DNAH5: variants seen among roughly 807,000 people sequenced by gnomAD.
The protein encoded by DNAH5 is dynein axonemal heavy chain 5.
Under a neutral mutation model 518.2 loss-of-function variants are expected in DNAH5, and 372 were observed. The ratio of observed to expected loss-of-function variants is 0.72; its 90% CI spans 0.66 to 0.78. DNAH5 has a LOEUF of 0.78. DNAH5 is among the 30% of genes least tolerant of loss of function. The pLI is 0.00. For missense variants in DNAH5, 5,523 were observed against 5,687.0 expected (o/e 0.97, Z 0.93); for synonymous variants, 2,039 against 2,025.9 (o/e 1.01, Z -0.17).
intron 31 of DNAH5, 102 bp downstream of exon 31, chr5:13,850,550 C>T (rs924262587): frequency 2.9e-5 from 27 of 933,970 alleles, no homozygotes; most frequent in Non-Finnish European, 4.3e-5. Flanking sequence ...TATATAAATT[C>T]AGCCTTAGCA....
chr5:13,996,164 T>C (rs1783927184), intron 1 of DNAH5, among the ~76,000 whole-genome samples: 1 of 152,190 alleles, frequency 6.6e-6, no homozygotes, highest in South Asian at 2.1e-4. Flanking sequence ...TCTGGCTTTC[T>C]GGCTCATGCA....
At chr5:13,709,532 TG>T (rs1309293836) in intron 75 of DNAH5, among the ~76,000 whole-genome samples, 1 of 152,110 alleles carries the variant, frequency 6.6e-6, no homozygotes, top group Non-Finnish European at 1.5e-5. Context: ...AGAAAACACC[TG>T]GGGGACAGAG....
chr5:13,909,300 A>T (rs1472622659), intron 12 of DNAH5, among the ~76,000 whole-genome samples: 1 of 152,196 alleles, frequency 6.6e-6, no homozygotes, highest in Non-Finnish European at 1.5e-5. Context: ...GTAAGAGATG[A>T]GCAGCAATAA....
At chr5:13,947,846 G>C (rs1276089410), upstream of DNAH5, among the ~76,000 whole-genome samples, 1 of 152,212 alleles carries the variant, frequency 6.6e-6, no homozygotes, top group South Asian at 2.1e-4. Flanking sequence ...AGTGGGATGA[G>C]AGAGTTCCAT....
intron 1 of DNAH5, among the ~76,000 whole-genome samples, chr5:13,976,714 C>CAA (rs1782278512): frequency 7.1e-6 from 1 of 141,380 alleles, no homozygotes; most frequent in Non-Finnish European, 1.5e-5. Flanking sequence ...TATATATACA[C>CAA]ACACACACAT....
intron 18 of DNAH5, 93 bp from the exon 19 acceptor site, chr5:13,885,321 G>T: frequency 3.4e-6 from 5 of 1,469,388 alleles, no homozygotes; most frequent in Non-Finnish European, 4.7e-6. Context: ...AGAATCATCT[G>T]TTGCAATTAA....
chr5:13,990,995 G>GA (rs1561054387), intron 1 of DNAH5, among the ~76,000 whole-genome samples: 1 of 152,110 alleles, frequency 6.6e-6, no homozygotes. Flanking sequence ...GGCAGTTTGA[G>GA]TTTTTTTCTA....
chr5:13,795,415 T>C (rs1049421910), intron 47 of DNAH5, among the ~76,000 whole-genome samples: 1 of 152,136 alleles, frequency 6.6e-6, no homozygotes, highest in Non-Finnish European at 1.5e-5. Context: ...GAGAATACTA[T>C]AAACACCTCT....
At chr5:13,960,099 C>A (rs1158090309) in intron 1 of DNAH5, among the ~76,000 whole-genome samples, 1 of 143,354 alleles carries the variant, frequency 7.0e-6, no homozygotes, top group Non-Finnish European at 1.5e-5. Flanking sequence ...ATGAGGGGAA[C>A]GCTTTTATCT....
At chr5:13,833,444 A>G (rs1763961654) in intron 35 of DNAH5, among the ~76,000 whole-genome samples, 1 of 148,486 alleles carries the variant, frequency 6.7e-6, no homozygotes, top group Non-Finnish European at 1.5e-5. Flanking sequence ...CTCCTTCCCA[A>G]AAAAAAAAAA....
chr5:13,842,330 A>C (rs1281553957), intron 32 of DNAH5, among the ~76,000 whole-genome samples: 1 of 151,918 alleles, frequency 6.6e-6, no homozygotes, highest in Non-Finnish European at 1.5e-5. Context: ...CAGTGAGCCG[A>C]GATCATGCCA....
At chr5:13,973,571 A>AGAG in intron 1 of DNAH5, among the ~76,000 whole-genome samples, 1 of 152,152 alleles carries the variant, frequency 6.6e-6, no homozygotes, top group African/African-American at 2.4e-5. Context: ...TGTAAAATGG[A>AGAG]GAGGAGGAGG....
chr5:13,810,261 C>T lies in DNAH5; in HGVS notation c.7408-1G>A. 6.5e-7 allele frequency: 1 copy of T among 1,550,204 alleles called. No homozygotes were observed. The highest frequency in any genetic ancestry group is 1.4e-5 in the African/African-American group (1 of 73,164). On this transcript the variant is annotated splice_acceptor_variant, in intron 44 of 78. Coordinates refer to ENST00000265104, the MANE Select transcript of DNAH5 (RefSeq NM_001369.3). LOFTEE classifies it high-confidence loss of function. ...CCTGGCTCACCTCCCCGCCTTGCTC[C>T]TGAGAAGGAAAGACACTTTTTTTTA...
intron 57 of DNAH5, 81 bp downstream of exon 57, chr5:13,769,420 C>A (rs1580142781): frequency 8.9e-7 from 1 of 1,118,762 alleles, no homozygotes; most frequent in East Asian, 2.4e-5. Context: ...CTAGTTATAG[C>A]CAGTGAATAT....
intron 1 of DNAH5, among the ~76,000 whole-genome samples, chr5:14,002,422 C>CA (rs1350553847): frequency 2.0e-5 from 3 of 151,430 alleles, no homozygotes; most frequent in African/African-American, 4.9e-5. Flanking sequence ...TTGACAATAT[C>CA]AAAAAATTGG....
chr5:13,990,458 C>T (rs1388729734), intron 1 of DNAH5, among the ~76,000 whole-genome samples: 3 of 152,166 alleles, frequency 2.0e-5, no homozygotes, highest in African/African-American at 2.4e-5. Context: ...GAGGCTGAGG[C>T]GGAAGAATGG....
chr5:13,845,333 CTATGT>C (rs61066730), intron 31 of DNAH5, among the ~76,000 whole-genome samples: 60,723 of 151,704 alleles, frequency 0.4, 12,576 homozygotes, highest in East Asian at 0.6. Context: ...GATAAAAACA[CTATGT>C]AGAGAGTAAG....
chr5:13,917,519 G>A (rs899015397), intron 7 of DNAH5, among the ~76,000 whole-genome samples: 7 of 152,178 alleles, frequency 4.6e-5, no homozygotes, highest in African/African-American at 1.7e-4. Context: ...GGGCAGCACC[G>A]CCCTTTAAAC....
Position 13,824,311 on chromosome 5 carries a change from C to T in DNAH5, c.6467G>A (p.Arg2156His), listed in dbSNP as rs758393811. 1.2e-5 allele frequency: 20 copies of T among 1,613,904 alleles called. No individual in the cohort carries two copies. The highest frequency in any genetic ancestry group is 1.7e-5 in the Non-Finnish European group (20 of 1,179,986). The change falls in exon 39 of 79, where the codon CGT becomes CAT. Residue 2156 changes from arginine (R) to histidine (H), a missense_variant. Arg to His is a conservative substitution (Grantham distance 29). Coordinates refer to ENST00000265104, the MANE Select transcript of DNAH5 (RefSeq NM_001369.3). ...GGTCCGAAGAACTGACAGAATGTTA[C>T]GCAGGCCAAAGTCATAATGAACCTA... ...SKQVHYDFGL[R>H]NILSVLRTLG...
Sources: gnomAD v4.1 joint callset for allele counts (sites outside exome capture counted in the v4.1 genomes callset) on GRCh38, gnomAD v4.1.1 for gene constraint, MANE v1.5 for transcripts, NCBI Gene and HGNC (gene_info 2026-07-23, HGNC 2026-07-21) for gene names.